The following KAZN variants were observed in gnomAD, a reference collection of about 807,000 sequenced individuals.
KAZN encodes kazrin.
A neutral mutation model predicts 87.4 loss-of-function variants in KAZN; 40 were observed. The observed-to-expected ratio is 0.46, with a 90% CI of 0.36 to 0.60. The LOEUF is 0.60. KAZN is among the 20% of genes least tolerant of loss of function. KAZN has a pLI of 0.00. For synonymous variants in KAZN, 466 were observed against 458.3 expected (o/e 1.02, Z -0.22); for missense variants, 898 against 1,073.9 (o/e 0.84, Z 2.29).
intron 2 of KAZN, among the ~76,000 whole-genome samples, chr1:15,022,569 G>A (rs192678040): frequency 6.6e-5 from 10 of 152,222 alleles, no homozygotes; most frequent in Admixed American, 2.6e-4. Flanking sequence ...TCCCTCTTCC[G>A]TGGACACTCA....
chr1:13,997,650 C>T (rs1022803533), intron 1 of KAZN, among the ~76,000 whole-genome samples: 3 of 151,770 alleles, frequency 2.0e-5, no homozygotes, highest in Middle Eastern at 6.9e-3. Context: ...TGAAATAAGG[C>T]ATGCAGACAA....
chr1:14,858,229 T>TTTTTTTTTTTTTTTTA (rs1352802605), intron 1 of KAZN, among the ~76,000 whole-genome samples: 1 of 146,534 alleles, frequency 6.8e-6, no homozygotes, highest in Non-Finnish European at 1.5e-5. Flanking sequence ...TTTTTTTTTT[T>TTTTTTTTTTTTTTTTA]TGAGACAAAG....
intron 1 of KAZN, among the ~76,000 whole-genome samples, chr1:14,662,352 T>C (rs2148717401): frequency 6.6e-6 from 1 of 152,234 alleles, no homozygotes; most frequent in Admixed American, 6.5e-5. Context: ...GGTGGTTTAC[T>C]TGATACTAAG....
chr1:14,657,000 G>C (rs1638834156), intron 1 of KAZN, among the ~76,000 whole-genome samples: 1 of 151,972 alleles, frequency 6.6e-6, no homozygotes, highest in African/African-American at 2.4e-5. Context: ...TACACAGTCA[G>C]GCCACCAACC....
At chr1:15,082,448 A>G (rs951768118) in intron 8 of KAZN, among the ~76,000 whole-genome samples, 1 of 152,222 alleles carries the variant, frequency 6.6e-6, no homozygotes, top group Non-Finnish European at 1.5e-5. Context: ...GGCATGGGTC[A>G]CTCAGCCACA....
intron 2 of KAZN, among the ~76,000 whole-genome samples, chr1:14,492,819 C>T (rs1669745830): frequency 1.3e-5 from 2 of 148,788 alleles, no homozygotes; most frequent in Admixed American, 6.7e-5. Flanking sequence ...CACACATATA[C>T]CGCCCATATA....
Position 14,647,271 on chromosome 1 carries a change from TGAAAA to T in KAZN, c.226+48053_226+48057del, listed in dbSNP as rs763754564. Among the ~76,000 whole-genome samples, 5 of 152,258 alleles carry T rather than the reference TGAAAA, an allele frequency of 3.3e-5. No homozygotes were observed. The South Asian group carries it at 1.0e-3, about 32-fold the overall frequency. On this transcript the variant is annotated intron_variant, in intron 1 of 14. Coordinates refer to ENST00000376030, the MANE Select transcript of KAZN (RefSeq NM_201628.3). ...CAATTGCAGAATTATGTAAAAGTAATGAAAAGAAATCAAAACCCACACGCCTTCCA... is the reference window on the plus strand; with the variant it reads ...CAATTGCAGAATTATGTAAAAGTAATGAAATCAAAACCCACACGCCTTCCA...
chr1:14,972,016 C>T (rs1173715180), intron 2 of KAZN, among the ~76,000 whole-genome samples: 1 of 152,128 alleles, frequency 6.6e-6, no homozygotes, highest in Non-Finnish European at 1.5e-5. Context: ...GCAGAGGCTG[C>T]ACACGCTGAT....
In KAZN at chr1:14,773,718, C is replaced by T. The variant is rs1645087789; in HGVS notation, c.226+174495C>T. ...TACCCATTGGCGTCACTTAGCCTGG[C>T]AGTGCTGCTAATGAGGCCTCTGTGG... On this transcript the variant is annotated intron_variant, in intron 1 of 14. Coordinates refer to ENST00000376030, the MANE Select transcript of KAZN (RefSeq NM_201628.3). The surrounding 1 kb of genome is among the most constrained non-coding windows in gnomAD (Gnocchi z 5.9). Among the ~76,000 whole-genome samples, 2 of 152,300 alleles carry T rather than the reference C, an allele frequency of 1.3e-5. No homozygotes were observed. Among genetic ancestry groups the T allele is most frequent in the South Asian group, 4.1e-4 (2 of 4,824 alleles).
intron 8 of KAZN, among the ~76,000 whole-genome samples, chr1:15,074,450 C>G (rs1639649690): frequency 6.6e-6 from 1 of 152,278 alleles, no homozygotes; most frequent in South Asian, 2.1e-4. Flanking sequence ...GAAGGAGTCA[C>G]TCCTCATGGG....
chr1:14,882,960 C>T (rs779203962), intron 1 of KAZN, among the ~76,000 whole-genome samples: 1 of 152,076 alleles, frequency 6.6e-6, no homozygotes, highest in Non-Finnish European at 1.5e-5. Context: ...ATTCAGACAT[C>T]TCTCTCCAGA....
chr1:14,869,074 G>A (rs1173210754), intron 1 of KAZN, among the ~76,000 whole-genome samples: 1 of 152,082 alleles, frequency 6.6e-6, no homozygotes, highest in Non-Finnish European at 1.5e-5. Context: ...TAGCACCTTG[G>A]GATGTGTCCT....
chr1:13,963,015 G>A (rs1326299453), intron 1 of KAZN, among the ~76,000 whole-genome samples: 1 of 152,128 alleles, frequency 6.6e-6, no homozygotes. Flanking sequence ...AGACAAATTG[G>A]GGCCAGTTTG....
chr1:15,016,879 G>A (rs537920174), intron 2 of KAZN, among the ~76,000 whole-genome samples: 110 of 152,268 alleles, frequency 7.2e-4, no homozygotes, highest in African/African-American at 1.6e-3. Flanking sequence ...CCAGGATTCT[G>A]TTTGTTTACT....
At chr1:14,868,290 A>G (rs999209439) in intron 1 of KAZN, among the ~76,000 whole-genome samples, 1 of 152,256 alleles carries the variant, frequency 6.6e-6, no homozygotes, top group African/African-American at 2.4e-5. Flanking sequence ...CTGGAGGGGA[A>G]CTGTTCTTAG....
chr1:15,103,122 C>A (rs1482356995), intron 11 of KAZN, among the ~76,000 whole-genome samples: 1 of 152,224 alleles, frequency 6.6e-6, no homozygotes, highest in Admixed American at 6.5e-5. Context: ...AAGAAAGCAG[C>A]CCGGTGTGGT....
intron 2 of KAZN, among the ~76,000 whole-genome samples, chr1:14,205,931 T>A (rs1646734243): frequency 1.6e-3 from 1 of 614 alleles, no homozygotes. Context: ...AATGACGAGT[T>A]TAATGGGTGC....
intron 8 of KAZN, among the ~76,000 whole-genome samples, chr1:15,088,808 G>T (rs571300065): frequency 2.0e-5 from 3 of 151,978 alleles, no homozygotes; most frequent in Non-Finnish European, 4.4e-5. Context: ...TAGGGGCGGT[G>T]AATAGCTGTC....
chr1:13,947,765 C>G (rs2100988122), intron 1 of KAZN, among the ~76,000 whole-genome samples: 1 of 152,322 alleles, frequency 6.6e-6, no homozygotes, highest in Non-Finnish European at 1.5e-5. Context: ...AGACAGCCGT[C>G]TTCTCCCTGT....
Sources: allele counts gnomAD v4.1 joint callset (sites outside exome capture counted in the v4.1 genomes callset), GRCh38; gene constraint gnomAD v4.1.1; non-coding constraint Gnocchi (gnomAD v3.1); transcripts MANE v1.5; gene names NCBI Gene and HGNC (gene_info 2026-07-23, HGNC 2026-07-21).